Variants in MCU observed in about 807,000 individuals in gnomAD.
MCU encodes the protein mitochondrial calcium uniporter.
Under a neutral mutation model 45.2 loss-of-function variants are expected in MCU, and 12 were observed. The ratio of observed to expected loss-of-function variants is 0.27; its 90% CI spans 0.17 to 0.43. MCU has a LOEUF of 0.43. Ranked by LOEUF, MCU falls within the 20% of genes least tolerant of loss-of-function variation. The probability of loss-of-function intolerance (pLI) is 1.00; values close to 1 mark genes in which losing one functional copy is unlikely to be tolerated. For missense variants in MCU, 324 were observed against 436.7 expected, an observed-to-expected ratio of 0.74 and a Z score of 2.30; for synonymous variants, 160 against 165.1, an observed-to-expected ratio of 0.97 and a Z score of 0.24.
intron 1 of MCU, among the ~76,000 whole-genome samples, chr10:72,781,489 C>T (rs906697980): frequency 6.6e-6 from 1 of 152,218 alleles, no homozygotes; most frequent in Non-Finnish European, 1.5e-5. Flanking sequence ...ACCAGAAATA[C>T]ACAGAGCATA....
chr10:72,807,860 G>GA (rs1001603409), intron 1 of MCU, among the ~76,000 whole-genome samples: 1 of 152,098 alleles, frequency 6.6e-6, no homozygotes, highest in Non-Finnish European at 1.5e-5. Context: ...GCAGGAAATA[G>GA]AAAAAACTGA....
At chr10:72,881,104 T>G (rs1369086417) in intron 6 of MCU, among the ~76,000 whole-genome samples, 1 of 152,074 alleles carries the variant, frequency 6.6e-6, no homozygotes, top group East Asian at 1.9e-4. Flanking sequence ...TACTCCAGCC[T>G]TGGTGGCAGA....
intron 1 of MCU, among the ~76,000 whole-genome samples, chr10:72,705,244 A>G (rs1589424412): frequency 6.6e-6 from 1 of 152,202 alleles, no homozygotes; most frequent in Non-Finnish European, 1.5e-5. Flanking sequence ...ATAGGTATAC[A>G]TGTGCCATGC....
chr10:72,780,801 T>C (rs961072944), intron 1 of MCU, among the ~76,000 whole-genome samples: 3 of 152,132 alleles, frequency 2.0e-5, no homozygotes, highest in Non-Finnish European at 2.9e-5. Context: ...AATGTTAATA[T>C]CTTCCTTACA....
chr10:72,738,927 G>T (rs550431402), intron 1 of MCU, among the ~76,000 whole-genome samples: 12 of 151,806 alleles, frequency 7.9e-5, no homozygotes, highest in South Asian at 6.2e-4. Context: ...AAAATGCTCG[G>T]TTTTTTTTAA....
At chr10:72,742,873 G>A (rs1843354789) in intron 1 of MCU, among the ~76,000 whole-genome samples, 1 of 152,096 alleles carries the variant, frequency 6.6e-6, no homozygotes, top group Non-Finnish European at 1.5e-5. Context: ...CTCCTGAGGT[G>A]ATTTCTAGGG....
chr10:72,751,120 C>T (rs1033652721), intron 1 of MCU, among the ~76,000 whole-genome samples: 1 of 151,820 alleles, frequency 6.6e-6, no homozygotes, highest in African/African-American at 2.4e-5. Context: ...CCTGCCTCAG[C>T]CTCCCGAGTA....
At chr10:72,751,752 G>A (rs1843502898) in intron 1 of MCU, among the ~76,000 whole-genome samples, 1 of 151,954 alleles carries the variant, frequency 6.6e-6, no homozygotes, top group Non-Finnish European at 1.5e-5. Flanking sequence ...ATTCCTTTGA[G>A]ACATTGTTAT....
intron 1 of MCU, among the ~76,000 whole-genome samples, chr10:72,753,960 G>C (rs145149239): frequency 3.6e-4 from 55 of 152,256 alleles, no homozygotes; most frequent in African/African-American, 1.0e-3. Context: ...ATATTTCCCA[G>C]ATGAGGAAAC....
chr10:72,882,511 G>A (rs1233416756), intron 6 of MCU, among the ~76,000 whole-genome samples: 1 of 152,108 alleles, frequency 6.6e-6, no homozygotes, highest in Non-Finnish European at 1.5e-5. Context: ...CTTGGGTGTG[G>A]CCGTCTTCTA....
At chr10:72,874,964 G>C (rs1416147931) in intron 6 of MCU, among the ~76,000 whole-genome samples, 1 of 152,102 alleles carries the variant, frequency 6.6e-6, no homozygotes, top group African/African-American at 2.4e-5. Context: ...GTTTTGCTAA[G>C]CCTAATTATG....
At chr10:72,824,799 T>G (rs955885981) in intron 1 of MCU, among the ~76,000 whole-genome samples, 1 of 152,162 alleles carries the variant, frequency 6.6e-6, no homozygotes, top group Non-Finnish European at 1.5e-5. Context: ...TCTATAGTTA[T>G]TTATATTTGT....
At chr10:72,720,989 A>T (rs1174110317) in intron 1 of MCU, 1 of 153,134 alleles carries the variant, frequency 6.5e-6, no homozygotes, top group Non-Finnish European at 1.5e-5. Flanking sequence ...TTGTTGCTAC[A>T]TACTGATCCA....
chr10:72,777,566 A>T (rs1257992560), intron 1 of MCU, among the ~76,000 whole-genome samples: 1 of 152,228 alleles, frequency 6.6e-6, no homozygotes, highest in Non-Finnish European at 1.5e-5. Flanking sequence ...TTAAAGCTTT[A>T]AATCTAAGAC....
chr10:72,822,635 C>A (rs1844730926), intron 1 of MCU, among the ~76,000 whole-genome samples: 1 of 152,088 alleles, frequency 6.6e-6, no homozygotes, highest in South Asian at 2.1e-4. Flanking sequence ...GAAATCAAAG[C>A]CACGATGAGA....
intron 1 of MCU, among the ~76,000 whole-genome samples, chr10:72,793,278 C>T (rs1844195256): frequency 6.6e-6 from 1 of 152,030 alleles, no homozygotes; most frequent in Non-Finnish European, 1.5e-5. Flanking sequence ...AATCCTCAGG[C>T]AAAATAAAGT....
At chr10:72,845,982 C>T (rs1188537340) in intron 2 of MCU, among the ~76,000 whole-genome samples, 2 of 152,068 alleles carry the variant, frequency 1.3e-5, no homozygotes, top group Non-Finnish European at 2.9e-5. Context: ...GCTTCACTTT[C>T]CATAGTTTCA....
chr10:72,805,175 C>CCTTCCTTCCTTCCTTCCT (rs1564562364), intron 1 of MCU, among the ~76,000 whole-genome samples: 1 of 126,576 alleles, frequency 7.9e-6, no homozygotes, highest in African/African-American at 4.1e-5. Context: ...CTCTCTCTCT[C>CCTTCCTTCCTTCCTTCCT]TCTTTCCTTC....
intron 2 of MCU, among the ~76,000 whole-genome samples, chr10:72,855,305 T>C (rs749422172): frequency 1.3e-5 from 2 of 152,110 alleles, no homozygotes; most frequent in Non-Finnish European, 2.9e-5. Flanking sequence ...AGCCTGAGCA[T>C]TGTGGCTCAA....
Sources: gnomAD v4.1 joint callset for allele counts (sites outside exome capture counted in the v4.1 genomes callset) on GRCh38, gnomAD v4.1.1 for gene constraint, MANE v1.5 for transcripts, NCBI Gene and HGNC (gene_info 2026-07-23, HGNC 2026-07-21) for gene names.